Variants in MYH14 observed in about 807,000 individuals in gnomAD.
MYH14 encodes myosin heavy chain 14, also known as myosin-14.
In MYH14, 123 loss-of-function variants were observed where a neutral mutation model predicts 255.5. That is an observed-to-expected ratio of 0.48 (90% CI 0.42 to 0.56). The LOEUF (loss-of-function observed/expected upper bound fraction) is 0.56, where lower values mean the gene tolerates loss of function less well. Among genes scored for constraint, MYH14 ranks in the 20% least tolerant of loss-of-function variants. The pLI is 0.00. For synonymous variants in MYH14, 1,095 were observed against 1,161.2 expected, an observed-to-expected ratio of 0.94 and a Z score of 1.16; for missense variants, 2,423 against 2,802.3, an observed-to-expected ratio of 0.86 and a Z score of 3.06.
intron 6 of MYH14, among the ~76,000 whole-genome samples, chr19:50,225,173 G>A (rs2033030656): frequency 6.6e-6 from 1 of 152,150 alleles, no homozygotes; most frequent in African/African-American, 2.4e-5. Context: ...CCCCTTCCTT[G>A]GAGTGCCTTA....
chr19:50,224,019 C>T, intron 5 of MYH14, 135 bp from the exon 6 acceptor site: 1 of 763,522 alleles, frequency 1.3e-6, no homozygotes, highest in South Asian at 1.5e-5. Context: ...CACCCTACTC[C>T]ACATGCCCGG....
intron 16 of MYH14, among the ~76,000 whole-genome samples, chr19:50,254,877 A>G (rs2034535601): frequency 1.3e-5 from 2 of 152,216 alleles, no homozygotes; most frequent in Admixed American, 1.3e-4. Context: ...GGGAGCATCA[A>G]GTTCATTCTT....
Position 50,281,677 on chromosome 19 carries a change from G to A in MYH14, c.4374G>A (p.Glu1458=), listed in dbSNP as rs771702375. 1 of 1,610,982 alleles carries A rather than the reference G, an allele frequency of 6.2e-7. No homozygotes were observed. Among genetic ancestry groups the A allele is most frequent in the South Asian group, 1.1e-5 (1 of 90,910 alleles). The part of the protein sequence containing the change: ...GEEARRRAAR[E]AEALTQRLAE... The stretch of plus-strand genomic sequence containing the variant: ...AGGCACGGCGCCGGGCAGCCCGGGA[G>A]GCCGAGGCCCTGACCCAGCGCCTGG... The change falls in exon 33 of 43, where the codon GAG becomes GAA. Residue 1458 remains glutamate (E), a synonymous_variant. Coordinates refer to ENST00000642316, the MANE Select transcript of MYH14 (RefSeq NM_001145809.2).
intron 22 of MYH14, 141 bp downstream of exon 22, chr19:50,263,561 G>C: frequency 2.0e-6 from 1 of 498,930 alleles, no homozygotes; most frequent in Non-Finnish European, 3.4e-6. Context: ...GGCTTTGCTA[G>C]CTGGGATTCT....
chr19:50,244,740 C>T (rs1029370789), intron 11 of MYH14, among the ~76,000 whole-genome samples: 4 of 152,150 alleles, frequency 2.6e-5, no homozygotes, highest in African/African-American at 7.2e-5. Flanking sequence ...ACCTCGGCCT[C>T]CCAAAGTGCT....
In MYH14 at chr19:50,252,542, G is replaced by T; in HGVS notation, c.1831-97G>T. 1 of 828,334 alleles carries T rather than the reference G, an allele frequency of 1.2e-6. No individual in the cohort carries two copies. 51.3% of individuals were successfully genotyped at this position (828,334 alleles called of 1,614,324 possible). The stretch of plus-strand genomic sequence containing the variant: ...GCTCGCTTGTCCATGGTGAGCTCCA[G>T]ACCTGGGAGTCTCAGAGCTTCTGGA... On this transcript the variant is annotated intron_variant, in intron 15 of 42. Transcript: ENST00000642316. This position sits in a 1 kb window ranked among gnomAD's most constrained non-coding sequence, Gnocchi z 4.2.
intron 35 of MYH14, among the ~76,000 whole-genome samples, chr19:50,290,258 T>A (rs1260298449): frequency 6.9e-6 from 1 of 144,016 alleles, no homozygotes; most frequent in Non-Finnish European, 1.5e-5. Context: ...CGCCCTCCCC[T>A]CCATCCACAT....
At chr19:50,224,046 T>TCCCCCCCCCCCCCCTCCCCCCCC in intron 5 of MYH14, 108 bp from the exon 6 acceptor site, 1 of 504,360 alleles carries the variant, frequency 2.0e-6, no homozygotes. Flanking sequence ...CAGTCCCCCT[T>TCCCCCCCCCCCCCCTCCCCCCCC]CCCCCACCCC....
chr19:50,262,606 GC>G (rs1041490061), intron 21 of MYH14, among the ~76,000 whole-genome samples: 3 of 152,022 alleles, frequency 2.0e-5, no homozygotes, highest in Non-Finnish European at 2.9e-5. Flanking sequence ...GCTGAGTGGG[GC>G]CTTGTCCAGA....
At chr19:50,301,155 T>C (rs935832810) in intron 39 of MYH14, among the ~76,000 whole-genome samples, 1 of 152,192 alleles carries the variant, frequency 6.6e-6, no homozygotes, top group African/African-American at 2.4e-5. Flanking sequence ...GCAGCTACTG[T>C]TTATTGAGGC....
chr19:50,236,567 G>A lies in MYH14; in HGVS notation c.1114+4497G>A, dbSNP rs183203306. Among the ~76,000 whole-genome samples the A allele has an allele frequency of 4.3e-3, 653 of 152,078 alleles. 4 individuals carry two copies. The highest frequency in any genetic ancestry group is 7.8e-3 in the Non-Finnish European group (529 of 67,986). ...TACTAAAAATACAAAAATTAGCTGG[G>A]CGTGGTGGCACATGCCTGTAATCCC... On this transcript the variant is annotated intron_variant, in intron 10 of 42. Transcript: ENST00000642316.
Position 50,280,313 on chromosome 19 carries a change from G to A in MYH14, c.4220G>A (p.Arg1407His), listed in dbSNP as rs553162373. The change falls in exon 32 of 43, where the codon CGT becomes CAT. Residue 1407 changes from arginine to histidine, a missense_variant. By Grantham distance (29) the Arg-to-His change is conservative. Coordinates refer to ENST00000642316, the MANE Select transcript of MYH14 (RefSeq NM_001145809.2). This position sits in a 1 kb window ranked among gnomAD's most constrained non-coding sequence, Gnocchi z 4.8. ...ATGGAGGCTGAGGCAGCCGGGCTGCGTGAGCAGCTGGAGGAGGAGGCAGCT... is the reference window on the plus strand; with the variant it reads ...ATGGAGGCTGAGGCAGCCGGGCTGCATGAGCAGCTGGAGGAGGAGGCAGCT... Reference protein sequence around the residue: ...RAMEAEAAGLREQLEEEAAAR... With the variant: ...RAMEAEAAGLHEQLEEEAAAR... The A allele has an allele frequency of 1.1e-4, 170 of 1,550,618 alleles. No homozygotes were observed. Among genetic ancestry groups the A allele is most frequent in the East Asian group, 3.2e-4 (13 of 40,908 alleles).
chr19:50,235,819 C>T (rs760265804), intron 10 of MYH14, among the ~76,000 whole-genome samples: 1 of 152,030 alleles, frequency 6.6e-6, no homozygotes, highest in Non-Finnish European at 1.5e-5. Flanking sequence ...TTACTCAGCT[C>T]ATCATTCCCA....
Position 50,272,781 on chromosome 19 carries a change from A to G in MYH14, c.3467+50A>G, listed in dbSNP as rs1218767699. 4 of 1,532,000 alleles carry G rather than the reference A, an allele frequency of 2.6e-6. No homozygotes were observed. The African/African-American group carries it at 5.5e-5, about 21-fold the overall frequency. 94.9% of individuals were successfully genotyped at this position (1,532,000 alleles called of 1,614,324 possible). The stretch of plus-strand genomic sequence containing the variant: ...GGGTAAGCAGCATGGGTGCACGGCC[A>G]GCCAGCGTGGGGTGCCCAAGTCAGA... On this transcript the variant is annotated intron_variant, in intron 27 of 42. Coordinates refer to ENST00000642316, the MANE Select transcript of MYH14 (RefSeq NM_001145809.2).
At chr19:50,267,032 G>T in intron 23 of MYH14, 24 bp downstream of exon 23, 1 of 1,534,036 alleles carries the variant, frequency 6.5e-7, no homozygotes. Context: ...GGCAGGGCGT[G>T]GGGGCGTGTC....
At chr19:50,244,856 TCTGCTGAAAGTGAACCG>T (rs1421841675) in intron 11 of MYH14, among the ~76,000 whole-genome samples, 1 of 152,064 alleles carries the variant, frequency 6.6e-6, no homozygotes, top group Non-Finnish European at 1.5e-5. Flanking sequence ...AAGCGTGAGC[TCTGCTGAAAGTGAACCG>T]CACCAGCACG....
At chr19:50,211,479 TA>T (rs921611025) in intron 2 of MYH14, among the ~76,000 whole-genome samples, 1 of 152,178 alleles carries the variant, frequency 6.6e-6, no homozygotes, top group African/African-American at 2.4e-5. Flanking sequence ...AGAGAGTTAA[TA>T]ACAATAAAAA....
intron 1 of MYH14, 120 bp from the exon 2 acceptor site, chr19:50,210,243 T>A (rs1043581129): frequency 2.2e-6 from 2 of 902,018 alleles, no homozygotes; most frequent in African/African-American, 3.6e-5. Flanking sequence ...TTTGCAGAAG[T>A]ATGGCAAGAG....
Position 50,251,533 on chromosome 19 carries a change from C to CT in MYH14, c.1830+845_1830+846insT, listed in dbSNP as rs1568500552. On this transcript the variant is annotated intron_variant, in intron 15 of 42. Coordinates refer to ENST00000642316, the MANE Select transcript of MYH14 (RefSeq NM_001145809.2). ...TATATATACACACTACACACACACACACACACACACACACACACACACACA... is the reference window on the plus strand; with the variant it reads ...TATATATACACACTACACACACACACTACACACACACACACACACACACACA... Among the ~76,000 whole-genome samples the CT allele has an allele frequency of 3.5e-3, 181 of 52,130 alleles. 1 individual carries two copies. Among genetic ancestry groups the CT allele is most frequent in the African/African-American group, 0.012 (173 of 13,860 alleles). The allele number at this position is 52,130 out of a possible 152,430, so 34.2% of individuals were successfully genotyped here.
Sources: allele counts gnomAD v4.1 joint callset (sites outside exome capture counted in the v4.1 genomes callset), GRCh38; gene constraint gnomAD v4.1.1; non-coding constraint Gnocchi (gnomAD v3.1); transcripts MANE v1.5; gene names NCBI Gene and HGNC (gene_info 2026-07-23, HGNC 2026-07-21).